ADGRV1: variants seen among roughly 807,000 people sequenced by gnomAD.
The protein encoded by ADGRV1 is adhesion G protein-coupled receptor V1.
In ADGRV1, 359 loss-of-function variants were observed where a neutral mutation model predicts 596.2. That is an observed-to-expected ratio of 0.60 (90% CI 0.55 to 0.66). The LOEUF is 0.66. Ranked by LOEUF, ADGRV1 falls within the 30% of genes least tolerant of loss-of-function variation. The pLI is 0.00. For synonymous variants in ADGRV1, 2,681 were observed against 2,679.2 expected (o/e 1.00, Z -0.02); for missense variants, 7,274 against 7,575.6 (o/e 0.96, Z 1.48).
intron 85 of ADGRV1, among the ~76,000 whole-genome samples, chr5:91,031,890 C>T (rs371993063): frequency 5.9e-5 from 9 of 151,996 alleles, no homozygotes; most frequent in Admixed American, 1.3e-4. Flanking sequence ...CCTGCGCTTG[C>T]GGATTTTATG....
intron 83 of ADGRV1, among the ~76,000 whole-genome samples, chr5:90,956,716 T>G (rs1027283237): frequency 1.3e-5 from 2 of 152,132 alleles, no homozygotes; most frequent in African/African-American, 4.8e-5. Flanking sequence ...ACAGGAAGTA[T>G]GAGTATGTGG....
chr5:90,759,473 A>C lies in ADGRV1; in HGVS notation c.12005A>C (p.Asn4002Thr). 1 of 1,607,338 alleles carries C rather than the reference A, an allele frequency of 6.2e-7. No homozygotes were observed. The highest frequency in any genetic ancestry group is 8.5e-7 in the Non-Finnish European group (1 of 1,176,332). The stretch of plus-strand genomic sequence containing the variant: ...GAATTTGAATTGACAGAGACGTTCA[A>C]TATTTCCTTGATCAGTGTTGCTGGA... ...DAEFELTETF[N>T]ISLISVAGGG... The change falls in exon 58 of 90, where the codon AAT becomes ACT. Residue 4002 changes from asparagine to threonine, a missense_variant. Asn to Thr is a moderately conservative substitution (Grantham distance 65). Coordinates refer to ENST00000405460, the MANE Select transcript of ADGRV1 (RefSeq NM_032119.4).
chr5:90,862,199 A>G (rs1767657258), intron 82 of ADGRV1, among the ~76,000 whole-genome samples: 1 of 152,230 alleles, frequency 6.6e-6, no homozygotes, highest in Non-Finnish European at 1.5e-5. Context: ...GCACTAGAAA[A>G]AAGTTGACTT....
At chr5:91,100,995 G>A (rs1430629347) in intron 86 of ADGRV1, among the ~76,000 whole-genome samples, 4 of 151,940 alleles carry the variant, frequency 2.6e-5, no homozygotes, top group Non-Finnish European at 4.4e-5. Context: ...CTACGAAGAC[G>A]TGTCAACTAT....
chr5:90,767,086 A>G (rs1254656276), intron 59 of ADGRV1, among the ~76,000 whole-genome samples: 1 of 152,196 alleles, frequency 6.6e-6, no homozygotes, highest in African/African-American at 2.4e-5. Context: ...TATAAAATAT[A>G]CATGGAAATA....
intron 85 of ADGRV1, among the ~76,000 whole-genome samples, chr5:90,996,723 C>A (rs938766545): frequency 6.6e-6 from 1 of 152,222 alleles, no homozygotes; most frequent in East Asian, 1.9e-4. Flanking sequence ...CACTCAATGC[C>A]AGCCCATGAA....
chr5:90,815,910 C>A (rs1186893344), intron 75 of ADGRV1, among the ~76,000 whole-genome samples, 174 bp downstream of exon 75: 2 of 152,134 alleles, frequency 1.3e-5, no homozygotes, highest in African/African-American at 2.4e-5. Flanking sequence ...CGTTTATGAT[C>A]ATAACTTAGG....
In ADGRV1 at chr5:90,807,821, G is replaced by T. The variant is rs760182840; in HGVS notation, c.14972+84G>T. 2.6e-4 allele frequency: 319 copies of T among 1,212,670 alleles called. 3 individuals carry two copies. The highest frequency in any genetic ancestry group is 8.2e-4 in the Middle Eastern group (4 of 4,892). The allele number at this position is 1,212,670 out of a possible 1,614,324, so 75.1% of individuals were successfully genotyped here. On this transcript the variant is annotated intron_variant, in intron 73 of 89. Transcript: ENST00000405460. ...CATCAAAACAGAAAAAGGCACAAGG[G>T]TTATTCTCCTTGAAGCAAACACAAA... is the stretch of plus-strand genomic sequence containing the variant.
chr5:90,573,584 C>T (rs925339039), intron 1 of ADGRV1, among the ~76,000 whole-genome samples: 2 of 152,082 alleles, frequency 1.3e-5, no homozygotes, highest in African/African-American at 4.8e-5. Context: ...AATATTATAA[C>T]CTTATGGACC....
chr5:91,046,883 G>A (rs1431963528), intron 85 of ADGRV1, among the ~76,000 whole-genome samples: 4 of 152,078 alleles, frequency 2.6e-5, no homozygotes, highest in African/African-American at 9.7e-5. Flanking sequence ...CTCAAAAGAA[G>A]ATATACAAGT....
chr5:90,827,569 T>C (rs1257521274), intron 76 of ADGRV1, among the ~76,000 whole-genome samples: 1 of 152,168 alleles, frequency 6.6e-6, no homozygotes, highest in Non-Finnish European at 1.5e-5. Flanking sequence ...AATCCTTAGT[T>C]AAAAGAAACT....
At chr5:90,972,627 A>G (rs574286193) in intron 84 of ADGRV1, among the ~76,000 whole-genome samples, 1 of 152,374 alleles carries the variant, frequency 6.6e-6, no homozygotes, top group South Asian at 2.1e-4. Flanking sequence ...AAGTGAAGGC[A>G]GAAATAAAGA....
chr5:91,140,114 T>C (rs1219461879), intron 87 of ADGRV1, among the ~76,000 whole-genome samples: 1 of 152,256 alleles, frequency 6.6e-6, no homozygotes, highest in Non-Finnish European at 1.5e-5. Context: ...AGCTATTTTC[T>C]ACACTCACAT....
chr5:91,059,071 G>C (rs1470607526), intron 85 of ADGRV1, among the ~76,000 whole-genome samples: 1 of 152,088 alleles, frequency 6.6e-6, no homozygotes, highest in African/African-American at 2.4e-5. Flanking sequence ...ATTAAATCTT[G>C]TATACTGTAT....
At chr5:90,590,655 C>G (rs953979523) in intron 1 of ADGRV1, among the ~76,000 whole-genome samples, 9 of 152,188 alleles carry the variant, frequency 5.9e-5, no homozygotes, top group Admixed American at 4.6e-4. Flanking sequence ...AGCCCAGATT[C>G]AAGGGGAGAG....
intron 59 of ADGRV1, among the ~76,000 whole-genome samples, chr5:90,766,023 C>T (rs191395115): frequency 0.01 from 1,556 of 152,206 alleles, 23 homozygotes; most frequent in African/African-American, 0.036. Flanking sequence ...CATTCTCCTG[C>T]CTCAGCCTCC....
At chr5:90,829,213 C>T (rs1372772568) in intron 77 of ADGRV1, 27 bp downstream of exon 77, 3 of 1,410,304 alleles carry the variant, frequency 2.1e-6, no homozygotes, top group Non-Finnish European at 2.8e-6. Context: ...TATATTCATA[C>T]ACGTTATGGT....
At chr5:90,785,671 C>T (rs1759356525) in intron 67 of ADGRV1, among the ~76,000 whole-genome samples, 1 of 152,152 alleles carries the variant, frequency 6.6e-6, no homozygotes, top group South Asian at 2.1e-4. Context: ...CCCTGGTCAT[C>T]AGAGAAATGC....
At chr5:90,969,781 A>G (rs529735242) in intron 84 of ADGRV1, among the ~76,000 whole-genome samples, 2 of 152,350 alleles carry the variant, frequency 1.3e-5, no homozygotes, top group East Asian at 1.9e-4. Flanking sequence ...GCTCCAGTCT[A>G]CAGCTCCTAG....
Sources: allele counts gnomAD v4.1 joint callset (sites outside exome capture counted in the v4.1 genomes callset), GRCh38; gene constraint gnomAD v4.1.1; transcripts MANE v1.5; gene names NCBI Gene and HGNC (gene_info 2026-07-23, HGNC 2026-07-21).